Variants in GRIN3A observed in about 807,000 individuals in gnomAD.
GRIN3A encodes the protein glutamate ionotropic receptor NMDA type subunit 3A.
GRIN3A carries 47 observed loss-of-function variants against 92.4 expected under a neutral mutation model. The observed-to-expected ratio is 0.51, with a 90% CI of 0.40 to 0.65. The LOEUF (loss-of-function observed/expected upper bound fraction) is 0.65. GRIN3A is among the 30% of genes least tolerant of loss of function. GRIN3A has a pLI of 0.00. For synonymous variants in GRIN3A, 527 were observed against 540.6 expected (o/e 0.97, Z 0.35); for missense variants, 1,324 against 1,393.1 (o/e 0.95, Z 0.79).
intron 3 of GRIN3A, among the ~76,000 whole-genome samples, chr9:101,649,461 G>A (rs771958483): frequency 1.3e-5 from 2 of 152,026 alleles, no homozygotes; most frequent in Non-Finnish European, 2.9e-5. Context: ...GACAGGGCAA[G>A]AGTGGGCTTT....
intron 8 of GRIN3A, among the ~76,000 whole-genome samples, chr9:101,574,269 T>C (rs753498299): frequency 2.0e-5 from 3 of 152,162 alleles, no homozygotes; most frequent in African/African-American, 4.8e-5. Flanking sequence ...TGCCAAATAG[T>C]CACAGGGGAA....
At chr9:101,691,107 G>A (rs1214795681) in intron 1 of GRIN3A, among the ~76,000 whole-genome samples, 1 of 152,044 alleles carries the variant, frequency 6.6e-6, no homozygotes, top group Non-Finnish European at 1.5e-5. Context: ...GAGAATATTA[G>A]TAATAAATTG....
chr9:101,660,489 G>T (rs1829158574), intron 3 of GRIN3A, among the ~76,000 whole-genome samples: 1 of 151,676 alleles, frequency 6.6e-6, no homozygotes, highest in Non-Finnish European at 1.5e-5. Flanking sequence ...ATCCAAATGG[G>T]GAGTTGCCAT....
At chr9:101,589,500 A>C (rs1371580135) in intron 6 of GRIN3A, among the ~76,000 whole-genome samples, 2 of 152,018 alleles carry the variant, frequency 1.3e-5, no homozygotes, top group Non-Finnish European at 2.9e-5. Context: ...AAATATTGTA[A>C]TTTGTATTTA....
At chr9:101,580,713 T>C (rs56159038) in intron 6 of GRIN3A, among the ~76,000 whole-genome samples, 6,914 of 152,300 alleles carry the variant, frequency 0.045, 231 homozygotes, top group Non-Finnish European at 0.07. Context: ...TTCTGCCAAG[T>C]GTTTTACATT....
chr9:101,580,584 C>T (rs1827875214), intron 6 of GRIN3A, among the ~76,000 whole-genome samples: 1 of 152,058 alleles, frequency 6.6e-6, no homozygotes, highest in Non-Finnish European at 1.5e-5. Context: ...TGGAAATCAT[C>T]TAGTTCATTT....
rs1412554960 is a variant in GRIN3A, at chr9:101,670,505, G to A, written c.1907C>T (p.Thr636Ile). 2.5e-6 allele frequency: 4 copies of A among 1,613,882 alleles called. No homozygotes were observed. The highest frequency in any genetic ancestry group is 3.4e-6 in the Non-Finnish European group (4 of 1,179,952). The change falls in exon 3 of 9, where the codon ACT (threonine) becomes ATT (isoleucine). Residue 636 changes from threonine (T) to isoleucine (I), a missense_variant. Coordinates refer to ENST00000361820, the MANE Select transcript of GRIN3A (RefSeq NM_133445.3). Reference sequence around the variant, plus strand: ...GAAATCTATCACCTGGCTCCGTGCAGTATTGATGCTAAAGGAAGTGACTGC... The same window carrying A: ...GAAATCTATCACCTGGCTCCGTGCAATATTGATGCTAAAGGAAGTGACTGC... ...HMAVTSFSIN[T>I]ARSQVIDFTS...
Position 101,665,424 on chromosome 9 carries a change from A to G in GRIN3A, c.2352+4636T>C, listed in dbSNP as rs758359874. On this transcript the variant is annotated intron_variant, in intron 3 of 8. Coordinates refer to ENST00000361820, the MANE Select transcript of GRIN3A (RefSeq NM_133445.3). The stretch of plus-strand genomic sequence containing the variant: ...GCACAGCAGGCAGGTGTTCAAGAGC[A>G]TTAACGGGGAAGCACAGCAAAACTT... 2.0e-5 allele frequency among the ~76,000 whole-genome samples: 3 copies of G among 151,930 alleles called. 1 individual carries two copies. Among genetic ancestry groups the G allele is most frequent in the Admixed American group, 1.3e-4 (2 of 15,204 alleles).
chr9:101,629,677 C>G (rs1312234928), intron 3 of GRIN3A, among the ~76,000 whole-genome samples: 1 of 152,182 alleles, frequency 6.6e-6, no homozygotes, highest in East Asian at 1.9e-4. Context: ...AATAACAATA[C>G]TTAACATTTA....
At chr9:101,596,189 T>A (rs1198247158) in intron 6 of GRIN3A, among the ~76,000 whole-genome samples, 1 of 152,224 alleles carries the variant, frequency 6.6e-6, no homozygotes, top group African/African-American at 2.4e-5. Flanking sequence ...ATAACCATGC[T>A]GGAACTAGCA....
At chr9:101,606,661 C>G (rs1828285640) in intron 6 of GRIN3A, among the ~76,000 whole-genome samples, 1 of 151,862 alleles carries the variant, frequency 6.6e-6, no homozygotes, top group Non-Finnish European at 1.5e-5. Context: ...CCACCAAGAC[C>G]ACTGTTTCCT....
At chr9:101,719,978 C>T (rs564206706) in intron 1 of GRIN3A, among the ~76,000 whole-genome samples, 13 of 152,218 alleles carry the variant, frequency 8.5e-5, no homozygotes, top group Admixed American at 5.2e-4. Context: ...GGTGAACAGC[C>T]GAGCACCCTG....
chr9:101,690,136 T>C (rs1041376568), intron 1 of GRIN3A, among the ~76,000 whole-genome samples: 1 of 152,082 alleles, frequency 6.6e-6, no homozygotes, highest in Non-Finnish European at 1.5e-5. Flanking sequence ...AAAATATGAA[T>C]TTAAATAGTA....
At chr9:101,583,810 TC>T (rs1338912778) in intron 6 of GRIN3A, among the ~76,000 whole-genome samples, 6 of 152,114 alleles carry the variant, frequency 3.9e-5, no homozygotes, top group Non-Finnish European at 7.4e-5. Context: ...GCCACACACT[TC>T]CAGAGACTCA....
At chr9:101,708,430 A>G (rs1829837221) in intron 1 of GRIN3A, among the ~76,000 whole-genome samples, 1 of 152,156 alleles carries the variant, frequency 6.6e-6, no homozygotes, top group South Asian at 2.1e-4. Context: ...TTCCATTGGC[A>G]CTAGGGGACT....
At chr9:101,677,791 T>C (rs10819977) in intron 2 of GRIN3A, among the ~76,000 whole-genome samples, 29,608 of 152,074 alleles carry the variant, frequency 0.19, 3,262 homozygotes, top group Non-Finnish European at 0.25. Flanking sequence ...TTCTTCTCCA[T>C]ATATGGGACA....
chr9:101,628,038 A>G (rs1403250548), intron 4 of GRIN3A, among the ~76,000 whole-genome samples: 1 of 152,194 alleles, frequency 6.6e-6, no homozygotes, highest in Non-Finnish European at 1.5e-5. Context: ...AGCTACTACC[A>G]ACTTGAGACT....
chr9:101,724,328 C>A (rs972671064), intron 1 of GRIN3A, among the ~76,000 whole-genome samples: 1 of 152,194 alleles, frequency 6.6e-6, no homozygotes, highest in Non-Finnish European at 1.5e-5. Context: ...GCTGGGGGAC[C>A]CAGTACGCCC....
intron 2 of GRIN3A, among the ~76,000 whole-genome samples, chr9:101,675,661 G>A (rs1191811675): frequency 1.4e-5 from 2 of 140,972 alleles, no homozygotes. Context: ...TGTTGACATA[G>A]GAGGGGTTTT....
Sources: gnomAD v4.1 joint callset for allele counts (sites outside exome capture counted in the v4.1 genomes callset) on GRCh38, gnomAD v4.1.1 for gene constraint, MANE v1.5 for transcripts, NCBI Gene and HGNC (gene_info 2026-07-23, HGNC 2026-07-21) for gene names.